The following MAN1C1 variants were observed in gnomAD, a reference collection of about 807,000 sequenced individuals.
The protein encoded by MAN1C1 is mannosidase alpha class 1C member 1, also known as mannosyl-oligosaccharide 1,2-alpha-mannosidase IC.
MAN1C1 carries 49 observed loss-of-function variants against 71.5 expected under a neutral mutation model. The observed-to-expected ratio is 0.69, with a 90% CI of 0.54 to 0.87. The LOEUF (loss-of-function observed/expected upper bound fraction) is 0.87. Among genes scored for constraint, MAN1C1 ranks in the 40% least tolerant of loss-of-function variants. MAN1C1 has a pLI of 0.00. For synonymous variants in MAN1C1, 352 were observed against 343.7 expected, an observed-to-expected ratio of 1.02 and a Z score of -0.27; for missense variants, 743 against 835.0, an observed-to-expected ratio of 0.89 and a Z score of 1.36.
At chr1:25,762,510 C>T (rs2047375188) in intron 6 of MAN1C1, among the ~76,000 whole-genome samples, 1 of 151,436 alleles carries the variant, frequency 6.6e-6, no homozygotes, top group Non-Finnish European at 1.5e-5. Flanking sequence ...TAACTGCAAC[C>T]TCTACCTTCA....
chr1:25,756,338 C>T (rs2047285898), intron 5 of MAN1C1, among the ~76,000 whole-genome samples: 1 of 152,188 alleles, frequency 6.6e-6, no homozygotes, highest in African/African-American at 2.4e-5. Context: ...GGAAAGGCGC[C>T]CAGCCACCTG....
rs938978885 is a variant in MAN1C1, at chr1:25,711,724, G to A, written c.637+25188G>A. Among the ~76,000 whole-genome samples the A allele has an allele frequency of 1.5e-5, 2 of 132,914 alleles. No homozygotes were observed. Among genetic ancestry groups the A allele is most frequent in the African/African-American group, 5.7e-5 (2 of 35,160 alleles). The allele number at this position is 132,914 out of a possible 152,430, so 87.2% of individuals were successfully genotyped here. A position where few individuals can be genotyped will look rare whatever the true frequency, so the allele number is the denominator to read the frequency against. ...CGGGCCCCACTTCCTCCCCTCCTCC[G>A]TGGGTGCGCAGCCCAGGCCACTGCT... On this transcript the variant is annotated intron_variant, in intron 2 of 11. Transcript: ENST00000374332. This position sits in a 1 kb window ranked among gnomAD's most constrained non-coding sequence, Gnocchi z 4.3.
At chr1:25,780,876 C>T (rs2047683172) in intron 9 of MAN1C1, 64 bp from the exon 10 acceptor site, 1 of 1,560,774 alleles carries the variant, frequency 6.4e-7, no homozygotes, top group African/African-American at 1.4e-5. Flanking sequence ...GACATCTCTC[C>T]TGGATCCCGA....
At position 25,689,046 on chromosome 1, in the gene MAN1C1, G is replaced by A. The variant is rs114520703; in HGVS notation, c.637+2510G>A. On this transcript the variant is annotated intron_variant, in intron 2 of 11. Transcript: ENST00000374332. ...TGGCTGGCACCTGGGAAAGGGAGAT[G>A]CATGAGGACCAGGCACTGGGTGGGG... 9.8e-3 allele frequency among the ~76,000 whole-genome samples: 1,489 copies of A among 152,316 alleles called. 27 individuals carry two copies. Among genetic ancestry groups the A allele is most frequent in the African/African-American group, 0.032 (1,323 of 41,568 alleles).
rs768914731 is a variant in MAN1C1 at position 25,618,101 on chromosome 1, C to G, written c.304C>G (p.Pro102Ala). 1 of 1,513,516 alleles carries G rather than the reference C, an allele frequency of 6.6e-7. No homozygotes were observed. Among genetic ancestry groups the G allele is most frequent in the Non-Finnish European group, 8.8e-7 (1 of 1,138,690 alleles). The allele number at this position is 1,513,516 out of a possible 1,614,324, so 93.8% of individuals were successfully genotyped here. A position where few individuals can be genotyped will look rare whatever the true frequency, so the allele number is the denominator to read the frequency against. Residue 102 changes from proline to alanine, a missense_variant, in exon 1 of 12, where the codon CCC (proline) becomes GCC (alanine). By Grantham distance (27) the Pro-to-Ala change is conservative. Transcript: ENST00000374332. Reference sequence around the variant, plus strand: ...GGATGACCCCAGCAGCTGGGCCAGTCCCCGCCGCAGGAAAGGGGGGCTGCG... The same window carrying G: ...GGATGACCCCAGCAGCTGGGCCAGTGCCCGCCGCAGGAAAGGGGGGCTGCG... ...GEDDPSSWAS[P>A]RRRKGGLRRT... is the part of the protein sequence containing the mutation.
chr1:25,671,102 C>G (rs2045987105), intron 1 of MAN1C1, among the ~76,000 whole-genome samples: 1 of 152,180 alleles, frequency 6.6e-6, no homozygotes, highest in African/African-American at 2.4e-5. Flanking sequence ...TGGTCTCAAA[C>G]TCCTGGGGTC....
rs2047138160 is a variant in MAN1C1 at position 25,746,959 on chromosome 1, GAC to G, written c.753+178_753+179del. The stretch of plus-strand genomic sequence containing the variant: ...AGTCTGTGCTGAGTCCCTTCCTTAA[GAC>G]AGCCTTGAGGTGGGGACATCCTCCC... On this transcript the variant is annotated intron_variant, in intron 3 of 11. Transcript: ENST00000374332. The surrounding 1 kb of genome is among the most constrained non-coding windows in gnomAD (Gnocchi z 4.0). Among the ~76,000 whole-genome samples, 1 of 152,234 alleles carries G rather than the reference GAC, an allele frequency of 6.6e-6. No homozygotes were observed. Among genetic ancestry groups the G allele is most frequent in the African/African-American group, 2.4e-5 (1 of 41,462 alleles).
Position 25,778,048 on chromosome 1 carries a change from C to G in MAN1C1, c.1258-57C>G, listed in dbSNP as rs1039303151. ...ATGTTCATTTTCCATCCTTTCCCCC[C>G]CTTCTCTGTGCCCTCCCACGCCCCT... is the stretch of plus-strand genomic sequence containing the variant. On this transcript the variant is annotated intron_variant, in intron 8 of 11. Coordinates refer to ENST00000374332, the MANE Select transcript of MAN1C1 (RefSeq NM_020379.4). The surrounding 1 kb of genome is among the most constrained non-coding windows in gnomAD (Gnocchi z 5.5). 41 of 1,308,530 alleles carry G rather than the reference C, an allele frequency of 3.1e-5. No homozygotes were observed. Among genetic ancestry groups the G allele is most frequent in the East Asian group, 1.4e-4 (6 of 41,802 alleles). The allele number at this position is 1,308,530 out of a possible 1,614,324, so 81.1% of individuals were successfully genotyped here. A position where few individuals can be genotyped will look rare whatever the true frequency, so the allele number is the denominator to read the frequency against.
At chr1:25,639,011 A>G (rs1217419546) in intron 1 of MAN1C1, among the ~76,000 whole-genome samples, 1 of 152,110 alleles carries the variant, frequency 6.6e-6, no homozygotes, top group Admixed American at 6.6e-5. Flanking sequence ...ATCATCCTAG[A>G]GGTCACTGAG....
intron 7 of MAN1C1, among the ~76,000 whole-genome samples, chr1:25,766,620 G>T (rs527491310): frequency 1.3e-4 from 20 of 150,140 alleles, no homozygotes; most frequent in African/African-American, 4.0e-4. Flanking sequence ...TAACAGGGGA[G>T]CCCCAAGACC....
intron 1 of MAN1C1, among the ~76,000 whole-genome samples, chr1:25,654,733 G>A (rs541396732): frequency 1.8e-4 from 28 of 151,878 alleles, no homozygotes; most frequent in Non-Finnish European, 2.8e-4. Context: ...TGCAACCTCC[G>A]CCTCCTGGGT....
rs925645777 is a variant in MAN1C1, at chr1:25,769,697, C to T, written c.1142-1960C>T. On this transcript the variant is annotated intron_variant, in intron 7 of 11. Coordinates refer to ENST00000374332, the MANE Select transcript of MAN1C1 (RefSeq NM_020379.4). The surrounding 1 kb of genome is among the most constrained non-coding windows in gnomAD (Gnocchi z 4.8). The stretch of plus-strand genomic sequence containing the variant: ...TCAGCACTCCATGGGCATCTCTGTG[C>T]GCCGTGTAGTTACTGGGCACAGAGC... Among the ~76,000 whole-genome samples the T allele has an allele frequency of 1.6e-4, 24 of 152,274 alleles. No homozygotes were observed. Among genetic ancestry groups the T allele is most frequent in the African/African-American group, 4.1e-4 (17 of 41,548 alleles).
chr1:25,697,470 T>C (rs2046384095), intron 2 of MAN1C1, among the ~76,000 whole-genome samples: 1 of 152,264 alleles, frequency 6.6e-6, no homozygotes, highest in South Asian at 2.1e-4. Flanking sequence ...GTTTGGATTG[T>C]TTCTACGTTT....
chr1:25,701,168 C>T (rs1168828922), intron 2 of MAN1C1, among the ~76,000 whole-genome samples: 1 of 152,238 alleles, frequency 6.6e-6, no homozygotes. Context: ...CCAGAGGAGT[C>T]ATTGTGCAGC....
At chr1:25,698,912 C>T (rs1222040863) in intron 2 of MAN1C1, among the ~76,000 whole-genome samples, 1 of 150,640 alleles carries the variant, frequency 6.6e-6, no homozygotes, top group Non-Finnish European at 1.5e-5. Context: ...CGCGCCACTG[C>T]ACTCCAGCCT....
intron 7 of MAN1C1, among the ~76,000 whole-genome samples, chr1:25,770,012 T>C (rs1210754922): frequency 6.6e-6 from 1 of 151,954 alleles, no homozygotes; most frequent in Non-Finnish European, 1.5e-5. Context: ...ACAGTGCTCG[T>C]AGCTGCCGTG....
chr1:25,704,689 A>G (rs994707795), intron 2 of MAN1C1, among the ~76,000 whole-genome samples: 1 of 152,198 alleles, frequency 6.6e-6, no homozygotes. Context: ...ATCCTGTTAA[A>G]ATGTCTCTCC....
intron 1 of MAN1C1, among the ~76,000 whole-genome samples, chr1:25,664,212 A>AC (rs922804001): frequency 2.7e-5 from 4 of 149,526 alleles, no homozygotes; most frequent in Non-Finnish European, 4.4e-5. Flanking sequence ...GCTCATTACC[A>AC]CCCCAAAAAG....
At chr1:25,768,219 CACATTA>C (rs2047477806) in intron 7 of MAN1C1, among the ~76,000 whole-genome samples, 1 of 131,446 alleles carries the variant, frequency 7.6e-6, no homozygotes, top group Non-Finnish European at 1.6e-5. Flanking sequence ...CACACATACA[CACATTA>C]CACACACTCC....
Sources: allele counts gnomAD v4.1 joint callset (sites outside exome capture counted in the v4.1 genomes callset), GRCh38; gene constraint gnomAD v4.1.1; non-coding constraint Gnocchi (gnomAD v3.1); transcripts MANE v1.5; gene names NCBI Gene and HGNC (gene_info 2026-07-23, HGNC 2026-07-21).